Variants in OTOA observed in about 807,000 individuals in gnomAD.
OTOA encodes cancer/testis antigen 108.
A neutral mutation model predicts 110.8 loss-of-function variants in OTOA; 70 were observed. The ratio of observed to expected loss-of-function variants is 0.63; its 90% CI spans 0.52 to 0.77. The LOEUF (loss-of-function observed/expected upper bound fraction) is 0.77, where lower values mean the gene tolerates loss of function less well. Among genes scored for constraint, OTOA ranks in the 30% least tolerant of loss-of-function variants. The pLI is 0.00. For missense variants in OTOA, 917 were observed against 1,075.8 expected, an observed-to-expected ratio of 0.85 and a Z score of 2.06; for synonymous variants, 373 against 431.5, an observed-to-expected ratio of 0.86 and a Z score of 1.68.
Position 21,687,401 on chromosome 16 carries a change from T to A in OTOA, c.400-12T>A. ...GCTCTCAAACTGACCCTGGCTTCTG[T>A]CATTGCTTTAGGACCTGAAAGACAT... On this transcript the variant is annotated splice_polypyrimidine_tract_variant and intron_variant, in intron 7 of 28. Coordinates refer to ENST00000646100, the MANE Select transcript of OTOA (RefSeq NM_144672.4). 1 of 1,612,934 alleles carries A rather than the reference T, an allele frequency of 6.2e-7. No homozygotes were observed.
At chr16:21,714,918 G>C in intron 13 of OTOA, 67 bp from the exon 14 acceptor site, 1 of 1,602,376 alleles carries the variant, frequency 6.2e-7, no homozygotes, top group Non-Finnish European at 8.5e-7. Context: ...ACATAGATGG[G>C]CTGAGTGCAC....
chr16:21,690,707 C>T (rs1044497089), intron 8 of OTOA, among the ~76,000 whole-genome samples: 11 of 152,006 alleles, frequency 7.2e-5, no homozygotes, highest in Non-Finnish European at 1.3e-4. Context: ...GGTATATACC[C>T]GATAATGGGA....
intron 18 of OTOA, among the ~76,000 whole-genome samples, chr16:21,725,334 G>T (rs561274868): frequency 2.6e-5 from 4 of 152,202 alleles, no homozygotes; most frequent in African/African-American, 9.6e-5. Context: ...ACCCAGGTTG[G>T]AGTGCAGTGG....
chr16:21,700,503 T>A (rs1298433050), intron 10 of OTOA, among the ~76,000 whole-genome samples: 1 of 151,568 alleles, frequency 6.6e-6, no homozygotes, highest in Non-Finnish European at 1.5e-5. Flanking sequence ...GGCGGGTGGA[T>A]CACTTGATGC....
chr16:21,737,027 T>C, intron 22 of OTOA, among the ~76,000 whole-genome samples: 1 of 152,306 alleles, frequency 6.6e-6, no homozygotes, highest in Non-Finnish European at 1.5e-5. Flanking sequence ...GTCTGCCACT[T>C]ACTGGCTGTG....
intron 9 of OTOA, among the ~76,000 whole-genome samples, chr16:21,697,548 G>A (rs1567373594): frequency 1.3e-5 from 2 of 152,082 alleles, no homozygotes; most frequent in Non-Finnish European, 1.5e-5. Flanking sequence ...CAGGAGAATC[G>A]CTTGAACCGG....
intron 24 of OTOA, among the ~76,000 whole-genome samples, chr16:21,749,652 T>C (rs1234739785): frequency 7.7e-6 from 1 of 130,134 alleles, no homozygotes; most frequent in Non-Finnish European, 1.6e-5. Flanking sequence ...GGTCTTATAA[T>C]CTCTTTTACT....
intron 21 of OTOA, among the ~76,000 whole-genome samples, chr16:21,732,749 T>A (rs466460): frequency 2.7e-5 from 4 of 146,452 alleles, no homozygotes; most frequent in African/African-American, 7.4e-5. Flanking sequence ...TGAATTAATT[T>A]AAAGCAAATG....
At chr16:21,714,684 G>A (rs971087610) in intron 13 of OTOA, among the ~76,000 whole-genome samples, 1 of 151,846 alleles carries the variant, frequency 6.6e-6, no homozygotes, top group African/African-American at 2.4e-5. Flanking sequence ...GCTAATTTTT[G>A]TATTTTTAGT....
At chr16:21,722,029 G>A (rs1482110655) in intron 17 of OTOA, among the ~76,000 whole-genome samples, 1 of 147,536 alleles carries the variant, frequency 6.8e-6, no homozygotes, top group African/African-American at 2.5e-5. Context: ...TTCGAAACCA[G>A]CCTGGCCAAC....
intron 1 of OTOA, among the ~76,000 whole-genome samples, chr16:21,674,718 T>C (rs1372892778): frequency 6.6e-6 from 1 of 151,824 alleles, no homozygotes; most frequent in Non-Finnish European, 1.5e-5. Flanking sequence ...TCCTAATGGC[T>C]AACAGTGCTG....
intron 14 of OTOA, among the ~76,000 whole-genome samples, chr16:21,715,693 T>A (rs1023446289): frequency 5.9e-5 from 9 of 151,974 alleles, no homozygotes; most frequent in African/African-American, 2.2e-4. Context: ...AATTTATTAA[T>A]TTTTTGTAGA....
In OTOA at chr16:21,688,193, G is replaced by C. The variant is rs1897758211; in HGVS notation, c.635+545G>C. 3.3e-5 allele frequency among the ~76,000 whole-genome samples: 5 copies of C among 151,932 alleles called. No homozygotes were observed. The South Asian group carries it at 1.0e-3, about 32-fold the overall frequency. On this transcript the variant is annotated intron_variant, in intron 8 of 28. Transcript: ENST00000646100. ...TCATGATGTCAGCAGTTCGAGACCA[G>C]CCTGGCCAACATAATGAAACCACGT...
In OTOA at chr16:21,679,306, C is replaced by T. The variant is rs1038129788; in HGVS notation, c.179+95C>T. 4.4e-6 allele frequency: 6 copies of T among 1,357,696 alleles called. No individual in the cohort carries two copies. In the Admixed American group the frequency reaches 7.1e-5, roughly 16 times the overall value. The allele number at this position is 1,357,696 out of a possible 1,614,324, so 84.1% of individuals were successfully genotyped here. On this transcript the variant is annotated intron_variant, in intron 5 of 28. Coordinates refer to ENST00000646100, the MANE Select transcript of OTOA (RefSeq NM_144672.4). ...TTAATTGTAAAAAGTAATATGTGCT[C>T]ATTACAAAAAATGTCAATCAATGCA... is the stretch of plus-strand genomic sequence containing the variant.
At position 21,736,376 on chromosome 16, in the gene OTOA, A is replaced by G. The variant is rs464691; in HGVS notation, c.2417A>G (p.Tyr806Cys). 3 of 1,613,458 alleles carry G rather than the reference A, an allele frequency of 1.9e-6. No homozygotes were observed. The highest frequency in any genetic ancestry group is 3.3e-5 in the Admixed American group (2 of 59,978). Residue 806 changes from tyrosine (Y) to cysteine (C), a missense_variant, in exon 22 of 29, where the codon TAT becomes TGT. Around this residue, in one of 6 missense-constraint regions of OTOA, gnomAD observed 57 missense variants for 59.7 expected, o/e 0.96. Coordinates refer to ENST00000646100, the MANE Select transcript of OTOA (RefSeq NM_144672.4). ...AACAGCAGTGATAAGATCCCCAGCT[A>G]TGACCCTATGCCTGGTGAGTGTTTT... The part of the protein sequence containing the change: ...VRNSSDKIPS[Y>C]DPMPGCHGVV...
intron 1 of OTOA, among the ~76,000 whole-genome samples, chr16:21,673,233 C>G (rs1382721949): frequency 1.3e-5 from 2 of 152,146 alleles, no homozygotes; most frequent in Non-Finnish European, 2.9e-5. Flanking sequence ...CACCCAGTTT[C>G]CCCCATTGGT....
intron 21 of OTOA, among the ~76,000 whole-genome samples, chr16:21,734,776 G>A (rs1899232437): frequency 6.6e-6 from 1 of 152,058 alleles, no homozygotes; most frequent in Non-Finnish European, 1.5e-5. Context: ...GGCAGAGCTT[G>A]CAGTGAGCCG....
rs375743330 is a variant in OTOA at position 21,701,034 on chromosome 16, G to A, written c.980+7G>A. On this transcript the variant is annotated splice_region_variant and intron_variant, in intron 11 of 28. Transcript: ENST00000646100. ...ATACCTCCACCATCCACAGGCAAGC[G>A]CATGAGCTCTGGGCCTTGGAGCCCT... The A allele has an allele frequency of 3.5e-5, 56 of 1,614,008 alleles. No homozygotes were observed. The highest frequency in any genetic ancestry group is 4.0e-5 in the African/African-American group (3 of 74,926).
Position 21,681,732 on chromosome 16 carries a change from C to T in OTOA, c.180-6C>T, listed in dbSNP as rs761492464. The T allele has an allele frequency of 1.2e-6, 2 of 1,612,130 alleles. No homozygotes were observed. The highest frequency in any genetic ancestry group is 1.1e-5 in the South Asian group (1 of 91,036). On this transcript the variant is annotated splice_region_variant and splice_polypyrimidine_tract_variant and intron_variant, in intron 5 of 28. Coordinates refer to ENST00000646100, the MANE Select transcript of OTOA (RefSeq NM_144672.4). ...GTGATCTTTTCCTGTCTGTCTTCAA[C>T]TGAAGCTCCCACGTGTGGACGGATG...
Sources: allele counts gnomAD v4.1 joint callset (sites outside exome capture counted in the v4.1 genomes callset), GRCh38; gene constraint gnomAD v4.1.1; regional missense constraint gnomAD v4.1.1; transcripts MANE v1.5; gene names NCBI Gene and HGNC (gene_info 2026-07-23, HGNC 2026-07-21).